The following RAB40B variants were observed in gnomAD, a reference collection of about 807,000 sequenced individuals.
RAB40B encodes ras-related protein Rab-40B.
RAB40B carries 21 observed loss-of-function variants against 24.0 expected under a neutral mutation model. That is an observed-to-expected ratio of 0.88 (90% CI 0.62 to 1.26). RAB40B has a LOEUF of 1.26. RAB40B is among the 50% of genes most tolerant of loss of function. The pLI is 0.00. For synonymous variants in RAB40B, 167 were observed against 169.8 expected (o/e 0.98, Z 0.13); for missense variants, 348 against 390.5 (o/e 0.89, Z 0.92).
intron 1 of RAB40B, among the ~76,000 whole-genome samples, chr17:82,689,081 A>G (rs1318429567): frequency 6.6e-6 from 1 of 152,252 alleles, no homozygotes; most frequent in African/African-American, 2.4e-5. Context: ...GTTTAAAATA[A>G]AGGTTAAAAA....
chr17:82,676,311 C>T (rs1302964160), intron 1 of RAB40B, among the ~76,000 whole-genome samples: 1 of 102,898 alleles, frequency 9.7e-6, no homozygotes, highest in East Asian at 2.7e-4. Flanking sequence ...GCCTCTCCCT[C>T]CACACAGTGA....
At chr17:82,693,773 C>T (rs559969740) in intron 1 of RAB40B, among the ~76,000 whole-genome samples, 6 of 152,198 alleles carry the variant, frequency 3.9e-5, no homozygotes, top group African/African-American at 1.4e-4. Context: ...TAACGGGGGC[C>T]AGAGACACAG....
intron 1 of RAB40B, among the ~76,000 whole-genome samples, chr17:82,681,928 TA>T (rs1489352684): frequency 6.6e-6 from 1 of 152,014 alleles, no homozygotes; most frequent in Non-Finnish European, 1.5e-5. Context: ...TACTTAATGG[TA>T]AAAAACAGAA....
chr17:82,662,680 C>G, intron 2 of RAB40B: 2 of 985,382 alleles, frequency 2.0e-6, no homozygotes, highest in Non-Finnish European at 2.4e-6. Flanking sequence ...GGAGAGCAGC[C>G]TCAGGGTCCT....
At chr17:82,671,479 ACT>A (rs1491227157) in intron 1 of RAB40B, among the ~76,000 whole-genome samples, 6 of 86,398 alleles carry the variant, frequency 6.9e-5, no homozygotes, top group East Asian at 3.8e-4. Context: ...TCTAACACAC[ACT>A]CACATGCTCC....
At chr17:82,669,073 C>T (rs187604020) in intron 1 of RAB40B, among the ~76,000 whole-genome samples, 16 of 152,244 alleles carry the variant, frequency 1.1e-4, no homozygotes, top group Admixed American at 2.0e-4. Context: ...CACGGTGGCT[C>T]ACGCCTGTAA....
chr17:82,660,247 G>A (rs534476773), intron 3 of RAB40B, among the ~76,000 whole-genome samples: 2 of 150,914 alleles, frequency 1.3e-5, no homozygotes, highest in South Asian at 2.1e-4. Flanking sequence ...GTTCATGTGT[G>A]CACATGCATG....
rs1453153060 is a variant in RAB40B, at chr17:82,658,183, C to T, written c.566-49G>A. 4 of 1,580,802 alleles carry T rather than the reference C, an allele frequency of 2.5e-6. No individual in the cohort carries two copies. The African/African-American group carries it at 4.0e-5, about 16-fold the overall frequency. On this transcript the variant is annotated intron_variant, in intron 5 of 5. Transcript: ENST00000571995. ...TGCTTAGTGGATGTCCCCACCTGGG[C>T]TGGGAATGAGGGGTGGTGCCCACAC...
rs370711029 is a variant in RAB40B, at chr17:82,676,702, A to G, written c.143-12146T>C. Among the ~76,000 whole-genome samples, 5 of 151,788 alleles carry G rather than the reference A, an allele frequency of 3.3e-5. No homozygotes were observed. The East Asian group carries it at 9.7e-4, about 29-fold the overall frequency. On this transcript the variant is annotated intron_variant, in intron 1 of 5. Coordinates refer to ENST00000571995, the MANE Select transcript of RAB40B (RefSeq NM_006822.3). ...GAATGCAATGGCGTGATCTCAACTCACTGCAACCTCCGCCTCCTGGATTCA... is the reference window on the plus strand; with the variant it reads ...GAATGCAATGGCGTGATCTCAACTCGCTGCAACCTCCGCCTCCTGGATTCA...
Position 82,658,564 on chromosome 17 carries a change from T to C in RAB40B, c.492A>G (p.Thr164=). The C allele has an allele frequency of 8.1e-6, 13 of 1,613,460 alleles. No homozygotes were observed. Among genetic ancestry groups the C allele is most frequent in the Admixed American group, 1.7e-5 (1 of 60,028 alleles). ...TCCTGGCCAGCTCCGTGAACGACTCTGTGATGTTGAAATTGCACAGAGGGC... is the reference window on the plus strand; with the variant it reads ...TCCTGGCCAGCTCCGTGAACGACTCCGTGATGTTGAAATTGCACAGAGGGC... ...EVSPLCNFNI[T]ESFTELARIV... is the part of the protein sequence containing the mutation. Residue 164 remains threonine, a synonymous_variant, in exon 5 of 6, where the codon ACA becomes ACG. Coordinates refer to ENST00000571995, the MANE Select transcript of RAB40B (RefSeq NM_006822.3).
chr17:82,668,957 C>G (rs1487071326), intron 1 of RAB40B, among the ~76,000 whole-genome samples: 1 of 152,262 alleles, frequency 6.6e-6, no homozygotes, highest in Non-Finnish European at 1.5e-5. Context: ...GGGCACGCGG[C>G]GTAGCCTCCA....
At chr17:82,666,685 G>A (rs760608083) in intron 1 of RAB40B, among the ~76,000 whole-genome samples, 1 of 151,948 alleles carries the variant, frequency 6.6e-6, no homozygotes, top group African/African-American at 2.4e-5. Context: ...TTGAGAACAT[G>A]GAAAGAGAGG....
intron 5 of RAB40B, 106 bp downstream of exon 5, chr17:82,658,385 T>A: frequency 7.7e-6 from 10 of 1,304,438 alleles, no homozygotes; most frequent in Non-Finnish European, 1.1e-5. Context: ...ACGGACACAG[T>A]GGCCTTGAGA....
At position 82,663,703 on chromosome 17, in the gene RAB40B, C is replaced by T. The variant is rs116093146; in HGVS notation, c.203+793G>A. Among the ~76,000 whole-genome samples the T allele has an allele frequency of 5.4e-3, 824 of 152,194 alleles. 9 individuals carry two copies. The highest frequency in any genetic ancestry group is 0.019 in the African/African-American group (779 of 41,506). ...CCCGCTGGCACCAGGACGCTCCGAG[C>T]TCCCTGCCGGGTGCTCAGTGGCATC... On this transcript the variant is annotated intron_variant, in intron 2 of 5. Coordinates refer to ENST00000571995, the MANE Select transcript of RAB40B (RefSeq NM_006822.3). This position sits in a 1 kb window ranked among gnomAD's most constrained non-coding sequence, Gnocchi z 6.2.
At chr17:82,670,253 T>G (rs1420975145) in intron 1 of RAB40B, among the ~76,000 whole-genome samples, 2 of 147,152 alleles carry the variant, frequency 1.4e-5, no homozygotes. Context: ...TGACGTGATC[T>G]CGCTCACTGC....
At chr17:82,682,728 G>C (rs1164596395) in intron 1 of RAB40B, among the ~76,000 whole-genome samples, 1 of 152,200 alleles carries the variant, frequency 6.6e-6, no homozygotes, top group Non-Finnish European at 1.5e-5. Context: ...ATGGCCAATT[G>C]ATGTTTGACC....
intron 2 of RAB40B, among the ~76,000 whole-genome samples, chr17:82,662,968 C>T (rs1417167485): frequency 6.6e-6 from 1 of 151,318 alleles, no homozygotes; most frequent in Non-Finnish European, 1.5e-5. Context: ...AAGGAGTGGT[C>T]TCGGGGAGGG....
rs933505714 is a variant in RAB40B, at chr17:82,663,468, C to T, written c.203+1028G>A. Reference sequence around the variant, plus strand: ...AGAGCTGGAACCGCAGGAGCTCCCCCCATCCCAAGCCAAGAGCGGGTGGAG... The same window carrying T: ...AGAGCTGGAACCGCAGGAGCTCCCCTCATCCCAAGCCAAGAGCGGGTGGAG... On this transcript the variant is annotated intron_variant, in intron 2 of 5. Coordinates refer to ENST00000571995, the MANE Select transcript of RAB40B (RefSeq NM_006822.3). This position sits in a 1 kb window ranked among gnomAD's most constrained non-coding sequence, Gnocchi z 6.2. 2.6e-5 allele frequency among the ~76,000 whole-genome samples: 4 copies of T among 152,254 alleles called. No homozygotes were observed. The highest frequency in any genetic ancestry group is 9.6e-5 in the African/African-American group (4 of 41,550).
chr17:82,657,917 G>GC lies in RAB40B; in HGVS notation c.782dup (p.Gln264ProfsTer100). The GC allele has an allele frequency of 1.9e-6, 2 of 1,026,240 alleles. No homozygotes were observed. Among genetic ancestry groups the GC allele is most frequent in the Non-Finnish European group, 1.5e-6 (1 of 685,748 alleles). 63.6% of individuals were successfully genotyped at this position (1,026,240 alleles called of 1,614,324 possible). On this transcript the variant is annotated frameshift_variant, in exon 6 of 6. Coordinates refer to ENST00000571995, the MANE Select transcript of RAB40B (RefSeq NM_006822.3). LOFTEE classifies it low-confidence loss of function (END_TRUNC). ...AGTTTTTGGGGGGGCTCTGGGGGGG[G>GC]CGGACGAGCTTCACTTTGCGGAGGC... is the stretch of plus-strand genomic sequence containing the variant.
Sources: gnomAD v4.1 joint callset for allele counts (sites outside exome capture counted in the v4.1 genomes callset) on GRCh38, gnomAD v4.1.1 for gene constraint, Gnocchi (gnomAD v3.1) non-coding constraint, MANE v1.5 for transcripts, NCBI Gene and HGNC (gene_info 2026-07-23, HGNC 2026-07-21) for gene names.